AMMECR1: variants seen among roughly 807,000 people sequenced by gnomAD.
The protein encoded by AMMECR1 is AMMECR nuclear protein 1.
Under a neutral mutation model 22.5 loss-of-function variants are expected in AMMECR1, and 3 were observed. The observed-to-expected ratio is 0.13, with a 90% confidence interval of 0.06 to 0.35. The LOEUF is 0.35. Ranked by LOEUF, AMMECR1 falls within the 10% of genes least tolerant of loss-of-function variation. The pLI is 1.00. For synonymous variants in AMMECR1, 130 were observed against 116.7 expected, an observed-to-expected ratio of 1.11 and a Z score of -0.74; for missense variants, 235 against 278.7, an observed-to-expected ratio of 0.84 and a Z score of 1.12.
chrX:110,399,755 CTA>C (rs1239913441), intron 2 of AMMECR1, among the ~76,000 whole-genome samples: 8 of 111,849 alleles, frequency 7.2e-5, no homozygotes, highest in African/African-American at 2.6e-4. Flanking sequence ...TAGCATAAGA[CTA>C]TAGTGTGGGA....
chrX:110,372,963 G>C (rs1235264690), intron 2 of AMMECR1, among the ~76,000 whole-genome samples: 1 of 111,976 alleles, frequency 8.9e-6, no homozygotes, highest in Non-Finnish European at 1.9e-5. Flanking sequence ...TTATTTAAAA[G>C]CAGATTTCCC....
intron 2 of AMMECR1, among the ~76,000 whole-genome samples, chrX:110,354,261 A>G (rs1434498292): frequency 8.9e-6 from 1 of 111,983 alleles, no homozygotes; most frequent in Non-Finnish European, 1.9e-5. Context: ...ATTTCAACAT[A>G]CAGCGAGCCC....
At chrX:110,271,253 T>C (rs1427399811) in intron 1 of AMMECR1, among the ~76,000 whole-genome samples, 5 of 112,252 alleles carry the variant, frequency 4.5e-5, no homozygotes, top group Non-Finnish European at 9.4e-5. Flanking sequence ...ACCACAAATA[T>C]CTGAAAGCGG....
At chrX:110,317,494 G>A in intron 1 of AMMECR1, 105 bp downstream of exon 1, 2 of 1,067,973 alleles carry the variant, frequency 1.9e-6, no homozygotes, top group Non-Finnish European at 2.4e-6. Flanking sequence ...CGGGCAGCGA[G>A]AGGGCAGGGG....
chrX:110,349,277 T>C (rs1190807259), intron 2 of AMMECR1, among the ~76,000 whole-genome samples: 1 of 111,816 alleles, frequency 8.9e-6, no homozygotes, highest in African/African-American at 3.3e-5. Context: ...ATACCCCAGA[T>C]TGAGTGGCTT....
intron 3 of AMMECR1, among the ~76,000 whole-genome samples, chrX:110,203,035 C>G (rs1299471985): frequency 8.9e-6 from 1 of 112,011 alleles, no homozygotes; most frequent in South Asian, 3.7e-4. Flanking sequence ...CAAGCAAACA[C>G]AGTCAGGTAA....
chrX:110,384,876 G>A (rs2148279021), intron 2 of AMMECR1, among the ~76,000 whole-genome samples: 1 of 110,929 alleles, frequency 9.0e-6, no homozygotes, highest in African/African-American at 3.3e-5. Context: ...GAGTGGCTAT[G>A]AATTCACTCC....
chrX:110,344,968 C>G (rs760011216), intron 2 of AMMECR1, among the ~76,000 whole-genome samples: 2 of 112,097 alleles, frequency 1.8e-5, no homozygotes, highest in South Asian at 7.5e-4. Flanking sequence ...CTAGAGATAC[C>G]ATTTGACCCA....
rs548660043 is a variant in AMMECR1, at chrX:110,348,109, C to T, written c.-147-30260G>A. On this transcript the variant is annotated intron_variant, in intron 2 of 7. Coordinates refer to the AMMECR1 transcript ENST00000372057. ...ATTTCTCAATTATTTTGGCCCATTT[C>T]TCATCCAAAAGAATTATTATTATAG... Among the ~76,000 whole-genome samples the T allele has an allele frequency of 6.2e-5, 7 of 112,011 alleles. No individual in the cohort carries two copies. In the South Asian group the frequency reaches 2.6e-3, roughly 42 times the overall value.
intron 2 of AMMECR1, among the ~76,000 whole-genome samples, chrX:110,218,910 C>A (rs761906661): frequency 9.0e-6 from 1 of 111,383 alleles, no homozygotes; most frequent in African/African-American, 3.3e-5. Context: ...TTGCCTTTAG[C>A]GTCTGGCTTC....
At chrX:110,274,551 T>C (rs2067816039) in intron 1 of AMMECR1, among the ~76,000 whole-genome samples, 1 of 112,061 alleles carries the variant, frequency 8.9e-6, no homozygotes, top group Admixed American at 9.4e-5. Context: ...ATTGGCATAA[T>C]AACTCTAGCA....
At chrX:110,417,747 G>A (rs1447768919) in intron 2 of AMMECR1, among the ~76,000 whole-genome samples, 1 of 112,392 alleles carries the variant, frequency 8.9e-6, no homozygotes, top group Non-Finnish European at 1.9e-5. Context: ...AACACTTACT[G>A]AGCTCTGGAG....
At chrX:110,239,296 C>A (rs1352728254) in intron 2 of AMMECR1, among the ~76,000 whole-genome samples, 2 of 110,309 alleles carry the variant, frequency 1.8e-5, no homozygotes, top group African/African-American at 6.6e-5. Context: ...AAGCTAAGAA[C>A]CTTGAAAAAA....
intron 2 of AMMECR1, among the ~76,000 whole-genome samples, chrX:110,331,583 A>G (rs1168247791): frequency 1.8e-5 from 2 of 111,259 alleles, no homozygotes; most frequent in Non-Finnish European, 3.8e-5. Context: ...ATCAGCTCCT[A>G]CTGAGAGCCA....
chrX:110,317,356 A>C (rs113060248), intron 1 of AMMECR1, among the ~76,000 whole-genome samples: 46 of 111,690 alleles, frequency 4.1e-4, no homozygotes, highest in African/African-American at 1.4e-3. Context: ...TCGCAAAGAG[A>C]AAGCTAACAC....
intron 2 of AMMECR1, among the ~76,000 whole-genome samples, chrX:110,392,642 G>T (rs1250627584): frequency 6.3e-5 from 7 of 111,171 alleles, no homozygotes; most frequent in East Asian, 2.8e-4. Context: ...AAGGGCTCAC[G>T]CAAGAGTGCC....
At chrX:110,260,877 G>A (rs2067737246) in intron 2 of AMMECR1, among the ~76,000 whole-genome samples, 1 of 112,084 alleles carries the variant, frequency 8.9e-6, no homozygotes, top group Non-Finnish European at 1.9e-5. Flanking sequence ...AAGGTAAATT[G>A]ACACACGCTA....
At chrX:110,271,198 A>G (rs745393665) in intron 1 of AMMECR1, among the ~76,000 whole-genome samples, 2 of 112,370 alleles carry the variant, frequency 1.8e-5, no homozygotes, top group Non-Finnish European at 3.8e-5. Flanking sequence ...GCTCAGGAAA[A>G]TAAGATCATA....
chrX:110,373,793 C>A (rs1156997856), intron 2 of AMMECR1, among the ~76,000 whole-genome samples: 1 of 111,288 alleles, frequency 9.0e-6, no homozygotes, highest in Non-Finnish European at 1.9e-5. Context: ...GGTGTGTGTA[C>A]ACCAAATAAA....
Sources: allele counts gnomAD v4.1 joint callset (sites outside exome capture counted in the v4.1 genomes callset), GRCh38; gene constraint gnomAD v4.1.1; transcripts MANE v1.5; gene names NCBI Gene and HGNC (gene_info 2026-07-23, HGNC 2026-07-21).